The following GATAD1 variants were observed in gnomAD, a reference collection of about 807,000 sequenced individuals.
GATAD1 encodes GATA zinc finger domain-containing protein 1.
Under a neutral mutation model 26.5 loss-of-function variants are expected in GATAD1, and 12 were observed. That is an observed-to-expected ratio of 0.45 (90% CI 0.29 to 0.73). The LOEUF (loss-of-function observed/expected upper bound fraction) is 0.73, where lower values mean the gene tolerates loss of function less well. GATAD1 is among the 30% of genes least tolerant of loss of function. The probability of loss-of-function intolerance (pLI) is 0.10; values close to 1 mark genes in which losing one functional copy is unlikely to be tolerated. For missense variants in GATAD1, 266 were observed against 342.1 expected, an observed-to-expected ratio of 0.78 and a Z score of 1.75; for synonymous variants, 129 against 133.1, an observed-to-expected ratio of 0.97 and a Z score of 0.21.
intron 3 of GATAD1, chr7:92,454,023 G>T (rs1214559290): frequency 5.6e-6 from 1 of 178,444 alleles, no homozygotes; most frequent in Non-Finnish European, 1.1e-5. Context: ...GTGAACTCTG[G>T]TCTTTGATGA....
rs141127443 is a variant in GATAD1, at chr7:92,456,129, G to A, written c.620-243G>A. On this transcript the variant is annotated intron_variant, in intron 4 of 4. Transcript: ENST00000287957. ...TATTGATACATGTAAACTTAGAGCA[G>A]TGTGGGTACAAAATAAACATGATGC... 1.6e-4 allele frequency among the ~76,000 whole-genome samples: 24 copies of A among 152,336 alleles called. No homozygotes were observed. The East Asian group carries it at 4.4e-3, about 28-fold the overall frequency.
At chr7:92,476,687 C>T in the GATAD1 span, among the ~76,000 whole-genome samples, 3 of 151,868 alleles carry the variant, frequency 2.0e-5, no homozygotes, top group African/African-American at 7.3e-5. Flanking sequence ...TCCTCCATTT[C>T]TCTCTCTCTC....
chr7:92,448,952 A>G (rs1789298320), intron 2 of GATAD1, 75 bp downstream of exon 2: 3 of 1,449,318 alleles, frequency 2.1e-6, no homozygotes, highest in African/African-American at 1.4e-5. Flanking sequence ...ATTTCTCACC[A>G]TTGAACTTGG....
At chr7:92,489,872 C>T in the GATAD1 span, 1 of 1,614,006 alleles carries the variant, frequency 6.2e-7, no homozygotes, top group South Asian at 1.1e-5. Flanking sequence ...CCAGGCAAAT[C>T]CTGAGTCATG....
chr7:92,476,569 ATTTCTTTCTC>A, the GATAD1 span, among the ~76,000 whole-genome samples: 6 of 151,004 alleles, frequency 4.0e-5, no homozygotes, highest in African/African-American at 9.8e-5. Context: ...GTTTTTTACT[ATTTCTTTCTC>A]TTTCTTTCTC....
intron 4 of GATAD1, 72 bp downstream of exon 4, chr7:92,454,757 TAGTC>T (rs1302100342): frequency 4.5e-5 from 48 of 1,075,096 alleles, no homozygotes; most frequent in African/African-American, 8.1e-5. Context: ...AAGAGTGTGT[TAGTC>T]AGCTTGGGCT....
rs931101252 is a variant in GATAD1, at chr7:92,454,202, GTC to G, written c.436-298_436-297del. ...ACCTAAAACCTCTGTAAAAAATAAA[GTC>G]TATTTTTTAAAAAGTGGGGATGGTA... On this transcript the variant is annotated intron_variant, in intron 3 of 4. Coordinates refer to ENST00000287957, the MANE Select transcript of GATAD1 (RefSeq NM_021167.5). 6 of 289,196 alleles carry G rather than the reference GTC, an allele frequency of 2.1e-5. No individual in the cohort carries two copies. The East Asian group carries it at 3.3e-4, about 16-fold the overall frequency. 17.9% of individuals were successfully genotyped at this position (289,196 alleles called of 1,614,324 possible).
chr7:92,458,195 C>T lies in GATAD1; in HGVS notation c.*1633C>T, dbSNP rs1375167869. ...CTTCTGTAGAAACAGGCATTCAGAACCATTCCATTGATCTTAATAAAGCTG... is the reference window on the plus strand; with the variant it reads ...CTTCTGTAGAAACAGGCATTCAGAATCATTCCATTGATCTTAATAAAGCTG... On this transcript the variant is annotated 3_prime_UTR_variant, in exon 5 of 5. Coordinates refer to ENST00000287957, the MANE Select transcript of GATAD1 (RefSeq NM_021167.5). The T allele has an allele frequency of 6.6e-6, 1 of 152,092 alleles. No homozygotes were observed. Among genetic ancestry groups the T allele is most frequent in the Non-Finnish European group, 1.5e-5 (1 of 68,022 alleles). 9.4% of individuals were successfully genotyped at this position (152,092 alleles called of 1,614,324 possible). A position where few individuals can be genotyped will look rare whatever the true frequency, so the allele number is the denominator to read the frequency against.
chr7:92,454,392 G>A lies in GATAD1; in HGVS notation c.436-110G>A, dbSNP rs569540564. 29 of 795,584 alleles carry A rather than the reference G, an allele frequency of 3.6e-5. No individual in the cohort carries two copies. In the East Asian group the frequency reaches 6.4e-4, roughly 17 times the overall value. 49.3% of individuals were successfully genotyped at this position (795,584 alleles called of 1,614,324 possible). Reference sequence around the variant, plus strand: ...AAACACTGATACATTAGACTATCTCGAACACCTTTTACTGACCACTTTGAA... The same window carrying A: ...AAACACTGATACATTAGACTATCTCAAACACCTTTTACTGACCACTTTGAA... On this transcript the variant is annotated intron_variant, in intron 3 of 4. Transcript: ENST00000287957.
At chr7:92,489,916 ATGGTAAATTG>A in the GATAD1 span, 1 of 1,612,238 alleles carries the variant, frequency 6.2e-7, no homozygotes, top group Non-Finnish European at 8.5e-7. Context: ...TGAGCTCTGC[ATGGTAAATTG>A]TAGTAATGAA....
At chr7:92,448,071 C>A in intron 1 of GATAD1, 93 bp downstream of exon 1, 1 of 983,920 alleles carries the variant, frequency 1.0e-6, no homozygotes, top group South Asian at 5.1e-5. Flanking sequence ...CGCGGGCTTC[C>A]CCGATCGCCG....
downstream of GATAD1, among the ~76,000 whole-genome samples, chr7:92,463,767 A>T (rs150318722): frequency 3.4e-3 from 523 of 152,244 alleles, 2 homozygotes; most frequent in Non-Finnish European, 5.5e-3. Flanking sequence ...TCAAGAGTTA[A>T]GGACCAGCCT....
the GATAD1 span, chr7:92,470,049 T>C: frequency 9.1e-5 from 71 of 778,026 alleles, no homozygotes; most frequent in Non-Finnish European, 1.6e-4. Flanking sequence ...ACATACCAGT[T>C]TGGGTGAAGT....
the GATAD1 span, chr7:92,489,990 T>G: frequency 2.8e-6 from 3 of 1,083,638 alleles, no homozygotes; most frequent in Admixed American, 1.9e-5. Context: ...AATATAAAAA[T>G]TAAACATTTT....
In GATAD1 at chr7:92,447,966, G is replaced by A; in HGVS notation, c.237G>A (p.Gly79=). The change falls in exon 1 of 5, where the codon GGG becomes GGA. Residue 79 remains glycine (G), a synonymous_variant. Transcript: ENST00000287957. The part of the protein sequence containing the change: ...SATPPQSNGG[G]GGKQSKQEIH... ...CCCCTCCGCAGAGCAACGGGGGCGG[G>A]GGCGGCAAGCAGGTGAGCTCCTCCG... 1.6e-6 allele frequency: 2 copies of A among 1,223,306 alleles called. No individual in the cohort carries two copies. Among genetic ancestry groups the A allele is most frequent in the Non-Finnish European group, 2.0e-6 (2 of 983,364 alleles). The allele number at this position is 1,223,306 out of a possible 1,614,324, so 75.8% of individuals were successfully genotyped here.
At chr7:92,464,505 T>G (rs1016179593), downstream of GATAD1, among the ~76,000 whole-genome samples, 2 of 152,176 alleles carry the variant, frequency 1.3e-5, no homozygotes, top group Non-Finnish European at 2.9e-5. Context: ...ATGTCCAAAC[T>G]TAGAACACAT....
the GATAD1 span, among the ~76,000 whole-genome samples, chr7:92,476,955 A>G: frequency 6.6e-6 from 1 of 152,200 alleles, no homozygotes; most frequent in Non-Finnish European, 1.5e-5. Context: ...GATCAGAGGA[A>G]GTATATTCAG....
the GATAD1 span, among the ~76,000 whole-genome samples, chr7:92,476,612 C>CT: frequency 2.0e-5 from 3 of 152,064 alleles, no homozygotes; most frequent in Non-Finnish European, 4.4e-5. Flanking sequence ...TCTCTCTCCT[C>CT]TTTGTCTCTC....
chr7:92,485,881 A>G, the GATAD1 span, among the ~76,000 whole-genome samples: 1 of 152,266 alleles, frequency 6.6e-6, no homozygotes, highest in Non-Finnish European at 1.5e-5. Flanking sequence ...ACAACTGGGT[A>G]TGAGGTCTGG....
Sources: gnomAD v4.1 joint callset for allele counts (sites outside exome capture counted in the v4.1 genomes callset) on GRCh38, gnomAD v4.1.1 for gene constraint, MANE v1.5 for transcripts, NCBI Gene and HGNC (gene_info 2026-07-23, HGNC 2026-07-21) for gene names.